The following GRAMD1B variants were observed in gnomAD, a reference collection of about 807,000 sequenced individuals.
The protein encoded by GRAMD1B is protein Aster-B.
A neutral mutation model predicts 99.7 loss-of-function variants in GRAMD1B; 37 were observed. The ratio of observed to expected loss-of-function variants is 0.37; its 90% CI spans 0.29 to 0.49. The LOEUF is 0.49. Among genes scored for constraint, GRAMD1B ranks in the 20% least tolerant of loss-of-function variants. GRAMD1B has a pLI of 0.98. For synonymous variants in GRAMD1B, 427 were observed against 387.6 expected (o/e 1.10, Z -1.19); for missense variants, 888 against 1,009.2 (o/e 0.88, Z 1.63).
At chr11:123,537,351 A>G (rs1399887771) in intron 2 of GRAMD1B, among the ~76,000 whole-genome samples, 1 of 152,186 alleles carries the variant, frequency 6.6e-6, no homozygotes, top group African/African-American at 2.4e-5. Context: ...GCTTCCCTGA[A>G]GTGACCTCAA....
At chr11:123,398,375 A>G (rs1285204130) in intron 1 of GRAMD1B, among the ~76,000 whole-genome samples, 1 of 152,218 alleles carries the variant, frequency 6.6e-6, no homozygotes, top group African/African-American at 2.4e-5. Context: ...AAAGCTGCCA[A>G]TTGCATCATA....
chr11:123,498,901 T>C (rs1450603904), intron 2 of GRAMD1B, among the ~76,000 whole-genome samples: 1 of 152,224 alleles, frequency 6.6e-6, no homozygotes, highest in Non-Finnish European at 1.5e-5. Flanking sequence ...TTGAGAAATA[T>C]GCTCTTTCTC....
chr11:123,529,298 G>C (rs1411303138), intron 2 of GRAMD1B, among the ~76,000 whole-genome samples: 6 of 152,152 alleles, frequency 3.9e-5, no homozygotes, highest in Non-Finnish European at 5.9e-5. Context: ...GAAATGTGAG[G>C]GAGGTTCAGA....
chr11:123,595,340 G>A (rs1328233932), intron 6 of GRAMD1B, among the ~76,000 whole-genome samples: 1 of 151,062 alleles, frequency 6.6e-6, no homozygotes, highest in Non-Finnish European at 1.5e-5. Context: ...GGAGTACAAT[G>A]GCAGAATCTT....
chr11:123,616,304 A>G (rs556372485), intron 17 of GRAMD1B, among the ~76,000 whole-genome samples: 253 of 152,356 alleles, frequency 1.7e-3, no homozygotes, highest in Non-Finnish European at 3.2e-3. Context: ...CCTGGGTGAA[A>G]GAGTGAGACT....
At chr11:123,475,606 G>A (rs1414145941) in intron 1 of GRAMD1B, among the ~76,000 whole-genome samples, 1 of 152,234 alleles carries the variant, frequency 6.6e-6, no homozygotes, top group Non-Finnish European at 1.5e-5. Context: ...CTTCCTTGCA[G>A]TGTTAAGCCA....
intron 2 of GRAMD1B, among the ~76,000 whole-genome samples, chr11:123,536,351 G>T (rs940468643): frequency 2.0e-5 from 3 of 152,018 alleles, no homozygotes; most frequent in African/African-American, 7.3e-5. Context: ...AGAGGTAGAG[G>T]TTGCAGTGAG....
chr11:123,537,535 C>T (rs995773599), intron 2 of GRAMD1B, among the ~76,000 whole-genome samples: 2 of 152,198 alleles, frequency 1.3e-5, no homozygotes, highest in Admixed American at 1.3e-4. Context: ...CATTATTTTC[C>T]TCAGGCTTCT....
rs534299771 is a variant in GRAMD1B at position 123,546,316 on chromosome 11, GCA to G, written c.453-31049_453-31048del. 6.1e-4 allele frequency among the ~76,000 whole-genome samples: 93 copies of G among 152,284 alleles called. No individual in the cohort carries two copies. The Middle Eastern group carries it at 0.014, about 22-fold the overall frequency. ...TGGGAGCTCTGTCAAGCCAAAATGG[GCA>G]CCACGGTTCAGCACGCATCCAAGCT... On this transcript the variant is annotated intron_variant, in intron 2 of 19. Coordinates refer to ENST00000635736, the MANE Select transcript of GRAMD1B (RefSeq NM_001387025.1).
rs537820763 is a variant in GRAMD1B, at chr11:123,408,806, C to T, written c.-176+50007C>T. Among the ~76,000 whole-genome samples the T allele has an allele frequency of 3.3e-4, 51 of 152,346 alleles. 1 individual carries two copies. The South Asian group carries it at 0.011, about 32-fold the overall frequency. On this transcript the variant is annotated intron_variant, in intron 1 of 20. Coordinates refer to the GRAMD1B transcript ENST00000638157. ...CTAAGCATGAATTCATGCAGGATAA[C>T]TCTGCCTCCTAACGCTGATGCTGAC...
At position 123,524,948 on chromosome 11, in the gene GRAMD1B, C is replaced by G. The variant is rs532670242; in HGVS notation, c.452+44055C>G. On this transcript the variant is annotated intron_variant, in intron 2 of 19. Coordinates refer to ENST00000635736, the MANE Select transcript of GRAMD1B (RefSeq NM_001387025.1). ...TGTTGGTGTTGGAACTCCCAGGCCC[C>G]AGCCTGGAGGATCTGATTTAGGAGG... Among the ~76,000 whole-genome samples, 32 of 152,308 alleles carry G rather than the reference C, an allele frequency of 2.1e-4. No individual in the cohort carries two copies. The South Asian group carries it at 6.0e-3, about 29-fold the overall frequency.
At chr11:123,382,759 T>G (rs1461625588) in intron 1 of GRAMD1B, among the ~76,000 whole-genome samples, 1 of 151,906 alleles carries the variant, frequency 6.6e-6, no homozygotes, top group Admixed American at 6.6e-5. Flanking sequence ...GTGGGTAAAG[T>G]TAAGGGATAT....
chr11:123,412,906 C>T (rs544749135), intron 1 of GRAMD1B, among the ~76,000 whole-genome samples: 53 of 152,192 alleles, frequency 3.5e-4, no homozygotes, highest in African/African-American at 1.2e-3. Context: ...CTCAGCCTCC[C>T]GAGTAGCTGG....
At chr11:123,622,319 A>G (rs971926431) in intron 19 of GRAMD1B, among the ~76,000 whole-genome samples, 187 bp from the exon 20 acceptor site, 9 of 152,182 alleles carry the variant, frequency 5.9e-5, no homozygotes, top group Non-Finnish European at 1.2e-4. Flanking sequence ...CACTGCACCC[A>G]GCCTGACTGT....
intron 1 of GRAMD1B, among the ~76,000 whole-genome samples, chr11:123,414,982 A>G (rs974911336): frequency 6.6e-6 from 1 of 152,120 alleles, no homozygotes; most frequent in African/African-American, 2.4e-5. Flanking sequence ...CATATTTGCT[A>G]AAACACATTC....
At chr11:123,385,383 C>T (rs1947021478) in intron 1 of GRAMD1B, among the ~76,000 whole-genome samples, 1 of 152,196 alleles carries the variant, frequency 6.6e-6, no homozygotes, top group South Asian at 2.1e-4. Context: ...CTCCTCACTC[C>T]TCTCAAACCC....
chr11:123,612,688 C>G, intron 14 of GRAMD1B, 73 bp from the exon 15 acceptor site: 1 of 838,082 alleles, frequency 1.2e-6, no homozygotes, highest in Non-Finnish European at 2.0e-6. Context: ...GCCTTAACTC[C>G]GAATTTCCCT....
chr11:123,498,107 G>T (rs538241433), intron 2 of GRAMD1B, among the ~76,000 whole-genome samples: 8 of 152,262 alleles, frequency 5.3e-5, no homozygotes, highest in South Asian at 4.1e-4. Context: ...AATGCTGCCA[G>T]GCCTGGGACC....
chr11:123,536,867 G>A (rs752412210), intron 2 of GRAMD1B, among the ~76,000 whole-genome samples: 2 of 152,118 alleles, frequency 1.3e-5, no homozygotes, highest in Non-Finnish European at 2.9e-5. Context: ...ACTGGAGGCT[G>A]GAACTTGTTC....
Sources: gnomAD v4.1 joint callset for allele counts (sites outside exome capture counted in the v4.1 genomes callset) on GRCh38, gnomAD v4.1.1 for gene constraint, MANE v1.5 for transcripts, NCBI Gene and HGNC (gene_info 2026-07-23, HGNC 2026-07-21) for gene names.